Variants in ZNF846 observed in about 807,000 individuals in gnomAD.
The protein encoded by ZNF846 is zinc finger protein 846.
A neutral mutation model predicts 16.0 loss-of-function variants in ZNF846; 15 were observed. That is an observed-to-expected ratio of 0.94 (90% confidence interval 0.63 to 1.45). The LOEUF is 1.45. Ranked by LOEUF, ZNF846 falls within the 40% of genes most tolerant of loss-of-function variation. The pLI is 0.00. For missense variants in ZNF846, 714 were observed against 622.3 expected (o/e 1.15, Z -1.57); for synonymous variants, 229 against 212.0 (o/e 1.08, Z -0.70).
At chr19:9,769,045 A>G (rs958705899), upstream of ZNF846, among the ~76,000 whole-genome samples, 1 of 152,222 alleles carries the variant, frequency 6.6e-6, no homozygotes, top group African/African-American at 2.4e-5. Flanking sequence ...GATTGCAGAC[A>G]GCGGGATGCT....
rs189878477 is a variant in ZNF846 at position 9,773,820 on chromosome 19, G to A, written c.-85-8785C>T. ...GAAAAAGAAAAAGTAAATAAGCATAGAATTGCAAAAGAAGGAAACTATCTC... is the reference window on the plus strand; with the variant it reads ...GAAAAAGAAAAAGTAAATAAGCATAAAATTGCAAAAGAAGGAAACTATCTC... On this transcript the variant is annotated intron_variant, in intron 1 of 4. Coordinates refer to the ZNF846 transcript ENST00000586814. 1.6e-3 allele frequency among the ~76,000 whole-genome samples: 247 copies of A among 152,172 alleles called. No homozygotes were observed. The Middle Eastern group carries it at 0.017, about 10-fold the overall frequency.
intron 1 of ZNF846, chr19:9,774,894 G>T: frequency 6.2e-7 from 1 of 1,609,788 alleles, no homozygotes; most frequent in Non-Finnish European, 8.5e-7. Context: ...TCTAAGGACC[G>T]TAAAAAATTC....
intron 4 of ZNF846, among the ~76,000 whole-genome samples, chr19:9,761,643 G>A (rs1470523789): frequency 1.3e-5 from 2 of 151,758 alleles, no homozygotes; most frequent in Non-Finnish European, 2.9e-5. Context: ...CCCAGGAGGT[G>A]GAGGTTGCAG....
intron 1 of ZNF846, among the ~76,000 whole-genome samples, chr19:9,767,500 A>T (rs1417496459): frequency 1.3e-5 from 2 of 152,168 alleles, no homozygotes; most frequent in African/African-American, 4.8e-5. Context: ...TTAACAAATG[A>T]TCAGTCTACA....
chr19:9,758,251 G>C (rs1364499946), exon 6 of ZNF846: 1 of 1,613,282 alleles, frequency 6.2e-7, no homozygotes, highest in Non-Finnish European at 8.5e-7. Context: ...TCTCCACTGT[G>C]AGTTCTGATG....
intron 1 of ZNF846, among the ~76,000 whole-genome samples, chr19:9,784,773 G>C (rs2045541529): frequency 6.6e-6 from 1 of 152,130 alleles, no homozygotes; most frequent in South Asian, 2.1e-4. Flanking sequence ...GGGTAACCGA[G>C]AATGGAGCAT....
At chr19:9,752,507 C>T (rs191325141), downstream of ZNF846, 52 of 302,386 alleles carry the variant, frequency 1.7e-4, no homozygotes, top group Middle Eastern at 3.7e-3. Flanking sequence ...CCCAGCTACT[C>T]GGGAGGCTGA....
At chr19:9,758,447 C>T (rs1323909262) in exon 6 of ZNF846, 3 of 1,613,380 alleles carry the variant, frequency 1.9e-6, no homozygotes, top group Non-Finnish European at 2.5e-6. Context: ...TAAGGGATGA[C>T]TGATTAAGAA....
exon 3 of ZNF846, chr19:9,763,400 C>T (rs750637579): frequency 6.2e-7 from 1 of 1,607,718 alleles, no homozygotes; most frequent in Non-Finnish European, 8.5e-7. Context: ...CCTCAAAGGT[C>T]ACTAAGTGCT....
chr19:9,767,335 A>G (rs150646866), intron 1 of ZNF846, among the ~76,000 whole-genome samples: 185 of 151,948 alleles, frequency 1.2e-3, no homozygotes, highest in Middle Eastern at 3.4e-3. Context: ...GGGTTTCTCC[A>G]TGTTGGTCGG....
intron 4 of ZNF846, among the ~76,000 whole-genome samples, chr19:9,761,606 G>A (rs907595989): frequency 7.9e-5 from 12 of 151,754 alleles, no homozygotes; most frequent in African/African-American, 2.4e-4. Context: ...AGCTACTTGG[G>A]AGGCTGAGGC....
exon 5 of ZNF846, chr19:9,759,932 C>T (rs1386398273): frequency 6.2e-7 from 1 of 1,612,298 alleles, no homozygotes; most frequent in Non-Finnish European, 8.5e-7. Context: ...TTTTGAGTTG[C>T]AAATCCAATT....
chr19:9,782,910 A>C (rs1430000111), intron 1 of ZNF846, among the ~76,000 whole-genome samples: 1 of 146,262 alleles, frequency 6.8e-6, no homozygotes, highest in East Asian at 1.9e-4. Context: ...CATACATAAC[A>C]CTATCTCCCT....
chr19:9,754,307 G>A (rs576767495), downstream of ZNF846, among the ~76,000 whole-genome samples: 6 of 151,568 alleles, frequency 4.0e-5, no homozygotes, highest in East Asian at 1.2e-3. Flanking sequence ...GCTCATGCCT[G>A]TAATCCTAGC....
downstream of ZNF846, among the ~76,000 whole-genome samples, chr19:9,754,956 C>CG (rs2045119611): frequency 6.6e-6 from 1 of 151,284 alleles, no homozygotes; most frequent in Non-Finnish European, 1.5e-5. Context: ...ACCTCCACCT[C>CG]CCAGGTTCAA....
chr19:9,761,437 A>C (rs2045226323), intron 4 of ZNF846, among the ~76,000 whole-genome samples: 1 of 152,042 alleles, frequency 6.6e-6, no homozygotes, highest in South Asian at 2.1e-4. Flanking sequence ...ATATGGTGTC[A>C]AAACTATCAC....
chr19:9,779,152 G>C (rs1239776075), intron 1 of ZNF846, among the ~76,000 whole-genome samples: 1 of 152,190 alleles, frequency 6.6e-6, no homozygotes, highest in Non-Finnish European at 1.5e-5. Context: ...GCTCATGTGA[G>C]ACGATTTAAC....
At position 9,762,168 on chromosome 19, in the gene ZNF846, G is replaced by T. The variant is rs768401720; in HGVS notation, c.143C>A (p.Ala48Glu). 20 of 1,613,670 alleles carry T rather than the reference G, an allele frequency of 1.2e-5. No individual in the cohort carries two copies. The South Asian group carries it at 2.1e-4, about 17-fold the overall frequency. ...ACTACGTTTGAATAATTCAGACCCTGCTGGAGGGAAAAATGCACAAAAGAA... is the reference window on the plus strand; with the variant it reads ...ACTACGTTTGAATAATTCAGACCCTTCTGGAGGGAAAAATGCACAAAAGAA... The change falls in exon 4 of 6, where the codon GCA (alanine) becomes GAA (glutamate). Residue 48 changes from alanine to glutamate, a missense_variant and splice_region_variant. Transcript: ENST00000397902.
downstream of ZNF846, chr19:9,756,345 G>GTGTGTATATA (rs1321690890): frequency 4.4e-3 from 362 of 81,690 alleles, 4 homozygotes; most frequent in South Asian, 6.5e-3. Flanking sequence ...GTGTGTGTGT[G>GTGTGTATATA]TATATATATA....
Sources: gnomAD v4.1 joint callset for allele counts (sites outside exome capture counted in the v4.1 genomes callset) on GRCh38, gnomAD v4.1.1 for gene constraint, MANE v1.5 for transcripts, NCBI Gene and HGNC (gene_info 2026-07-23, HGNC 2026-07-21) for gene names.